RRBP1: variants seen among roughly 807,000 people sequenced by gnomAD.
The protein encoded by RRBP1 is ribosome-binding protein 1.
RRBP1 carries 94 observed loss-of-function variants against 165.2 expected under a neutral mutation model. The observed-to-expected ratio is 0.57, with a 90% CI of 0.48 to 0.68. The LOEUF (loss-of-function observed/expected upper bound fraction) is 0.68, where lower values mean the gene tolerates loss of function less well. RRBP1 is among the 30% of genes least tolerant of loss of function. RRBP1 has a pLI of 0.00. For missense variants in RRBP1, 1,676 were observed against 1,763.0 expected, an observed-to-expected ratio of 0.95 and a Z score of 0.88; for synonymous variants, 680 against 714.5, an observed-to-expected ratio of 0.95 and a Z score of 0.77.
chr20:17,674,530 G>A (rs1432189808), intron 2 of RRBP1, among the ~76,000 whole-genome samples: 4 of 152,050 alleles, frequency 2.6e-5, no homozygotes, highest in African/African-American at 9.7e-5. Flanking sequence ...TTGGGAGGCC[G>A]AGGCAGGTGG....
Position 17,659,819 on chromosome 20 carries a change from T to C in RRBP1, c.689A>G (p.Lys230Arg), listed in dbSNP as rs8116023. 77 of 1,550,984 alleles carry C rather than the reference T, an allele frequency of 5.0e-5. 1 individual carries two copies. In the African/African-American group the frequency reaches 5.9e-4, roughly 12 times the overall value. ...RKAEGTPNQG[K>R]KTEGTPNQGK... ...TTGGTTTGGGGTTCCCTCTGTCTTT[T>C]TGCCCTGGTTTGGGGTTCCCTCTGC... Residue 230 changes from lysine to arginine, a missense_variant, in exon 3 of 25, where the codon AAA becomes AGA. Transcript: ENST00000377813.
intron 1 of RRBP1, among the ~76,000 whole-genome samples, chr20:17,680,660 A>G (rs73599768): frequency 0.011 from 1,709 of 152,112 alleles, 73 homozygotes; most frequent in East Asian, 0.072. Flanking sequence ...AGAAACTAGG[A>G]TTCAGAGGGG....
intron 2 of RRBP1, among the ~76,000 whole-genome samples, chr20:17,677,978 C>T (rs986829077): frequency 6.6e-6 from 1 of 152,186 alleles, no homozygotes; most frequent in Non-Finnish European, 1.5e-5. Flanking sequence ...GAAAAGGTTT[C>T]GGGACTGGGC....
At chr20:17,641,968 C>T in intron 4 of RRBP1, 49 bp from the exon 5 acceptor site, 3 of 1,585,662 alleles carry the variant, frequency 1.9e-6, no homozygotes, top group South Asian at 2.2e-5. Context: ...TGGGACTTGG[C>T]TCATCCCCTG....
At chr20:17,654,374 G>A (rs190429356) in intron 3 of RRBP1, among the ~76,000 whole-genome samples, 72 of 152,212 alleles carry the variant, frequency 4.7e-4, no homozygotes, top group Non-Finnish European at 4.0e-4. Flanking sequence ...CTGGGACCAC[G>A]CAACTCCAGA....
chr20:17,673,272 C>T (rs2037013613), intron 2 of RRBP1, among the ~76,000 whole-genome samples: 2 of 152,218 alleles, frequency 1.3e-5, no homozygotes, highest in African/African-American at 4.8e-5. Context: ...CACAGGATCG[C>T]TCCCTTCACA....
Position 17,625,484 on chromosome 20 carries a change from C to A in RRBP1, c.3054+28G>T, listed in dbSNP as rs756888925. 9.4e-6 allele frequency: 15 copies of A among 1,603,834 alleles called. No individual in the cohort carries two copies. In the African/African-American group the frequency reaches 1.9e-4, roughly 20 times the overall value. On this transcript the variant is annotated intron_variant, in intron 12 of 24. Coordinates refer to ENST00000377813, the MANE Select transcript of RRBP1 (RefSeq NM_001365613.2). ...CCCACCTGTGCTTCCCTGGCCCGTC[C>A]GTCCCCGCCTGTGCCTGCCGCACTC...
chr20:17,632,848 CA>C (rs1249895883), intron 8 of RRBP1, among the ~76,000 whole-genome samples: 1 of 152,126 alleles, frequency 6.6e-6, no homozygotes, highest in Non-Finnish European at 1.5e-5. Context: ...CCCCTGGGGA[CA>C]GGGGGACAAT....
In RRBP1 at chr20:17,621,521, G is replaced by A. The variant is rs61733414; in HGVS notation, c.3351C>T (p.Ala1117=). The change falls in exon 16 of 25, where the codon GCC becomes GCT. Residue 1117 remains alanine (A), a synonymous_variant. Coordinates refer to ENST00000377813, the MANE Select transcript of RRBP1 (RefSeq NM_001365613.2). ...SSDLASKLRE[A]EETQSTLQAE... ...CCTGCAGTGTGCTCTGCGTCTCCTC[G>A]GCCTCCCTCAACTTGGAGGCCAGGT... The A allele has an allele frequency of 1.7e-4, 277 of 1,612,696 alleles. No individual in the cohort carries two copies. In the African/African-American group the frequency reaches 3.3e-3, roughly 19 times the overall value.
chr20:17,645,939 G>T (rs1212858136), intron 3 of RRBP1, among the ~76,000 whole-genome samples: 1 of 152,214 alleles, frequency 6.6e-6, no homozygotes, highest in Non-Finnish European at 1.5e-5. Context: ...ACCAGGAAGG[G>T]ACAGGCCAGG....
intron 24 of RRBP1, 46 bp downstream of exon 24, chr20:17,614,691 C>T: frequency 6.2e-7 from 1 of 1,602,528 alleles, no homozygotes; most frequent in Non-Finnish European, 8.5e-7. Flanking sequence ...CCCGGGGCTC[C>T]CGGCAGCTCG....
intron 8 of RRBP1, among the ~76,000 whole-genome samples, chr20:17,630,397 G>C (rs549585462): frequency 8.5e-5 from 13 of 152,210 alleles, no homozygotes; most frequent in Non-Finnish European, 1.9e-4. Context: ...GCACCACTGC[G>C]ATCACGCTAT....
intron 1 of RRBP1, among the ~76,000 whole-genome samples, 181 bp from the exon 2 acceptor site, chr20:17,680,256 G>GC (rs1210226447): frequency 1.3e-5 from 2 of 152,152 alleles, no homozygotes; most frequent in African/African-American, 2.4e-5. Flanking sequence ...GTGGGAGAAT[G>GC]CCCCCCAGCT....
intron 8 of RRBP1, among the ~76,000 whole-genome samples, chr20:17,631,989 T>C (rs1035876285): frequency 6.6e-5 from 10 of 152,230 alleles, no homozygotes; most frequent in African/African-American, 2.2e-4. Flanking sequence ...AAAGCACTGA[T>C]CTAGTCCTAG....
At chr20:17,670,922 G>A (rs567661573) in intron 2 of RRBP1, among the ~76,000 whole-genome samples, 4 of 152,196 alleles carry the variant, frequency 2.6e-5, no homozygotes, top group East Asian at 1.9e-4. Flanking sequence ...CTCTGTCCTC[G>A]CTCCTCTCCT....
At chr20:17,650,296 T>C (rs2036532083) in intron 3 of RRBP1, among the ~76,000 whole-genome samples, 1 of 152,318 alleles carries the variant, frequency 6.6e-6, no homozygotes, top group Non-Finnish European at 1.5e-5. Flanking sequence ...GTGGCAAGAA[T>C]GGGCCTCTGA....
chr20:17,618,865 G>C, intron 19 of RRBP1, 186 bp from the exon 20 acceptor site: 1 of 599,914 alleles, frequency 1.7e-6, no homozygotes, highest in Non-Finnish European at 3.0e-6. Flanking sequence ...CTTTTTTGAG[G>C]ACTTAGGAAG....
At position 17,659,714 on chromosome 20, in the gene RRBP1, G is replaced by A; in HGVS notation, c.794C>T (p.Ala265Val). ...TPNQGKKAEG[A>V]QNQGKKVDTT... ...ATCTACCTTTTTACCCTGGTTCTGG[G>A]CCCCCTCCGCCTTTTTGCCTTGGTT... is the stretch of plus-strand genomic sequence containing the variant. The change falls in exon 3 of 25, where the codon GCC (alanine) becomes GTC (valine). Residue 265 changes from alanine (A) to valine (V), a missense_variant. By Grantham distance (64) the Ala-to-Val change is moderately conservative. This residue lies in a region of RRBP1 where 392 missense variants were observed against 382.5 expected (regional missense o/e 1.02). Coordinates refer to ENST00000377813, the MANE Select transcript of RRBP1 (RefSeq NM_001365613.2). The A allele has an allele frequency of 6.4e-7, 1 of 1,550,610 alleles. No homozygotes were observed. The highest frequency in any genetic ancestry group is 8.7e-7 in the Non-Finnish European group (1 of 1,146,996).
At chr20:17,648,209 T>C (rs2036498830) in intron 3 of RRBP1, among the ~76,000 whole-genome samples, 1 of 152,210 alleles carries the variant, frequency 6.6e-6, no homozygotes, top group African/African-American at 2.4e-5. Context: ...CCAACATCAC[T>C]GCTGGCCTCT....
Sources: gnomAD v4.1 joint callset for allele counts (sites outside exome capture counted in the v4.1 genomes callset) on GRCh38, gnomAD v4.1.1 for gene constraint, gnomAD v4.1.1 regional missense constraint, MANE v1.5 for transcripts, NCBI Gene and HGNC (gene_info 2026-07-23, HGNC 2026-07-21) for gene names.